Variants in ZNF83 observed in about 807,000 individuals in gnomAD.
ZNF83 encodes zinc finger protein 816B.
For missense variants in ZNF83, 552 were observed against 629.9 expected (o/e 0.88, Z 1.32); for synonymous variants, 209 against 213.0 (o/e 0.98, Z 0.17).
intron 3 of ZNF83, among the ~76,000 whole-genome samples, chr19:52,648,638 T>C (rs1213226491): frequency 6.6e-6 from 1 of 152,174 alleles, no homozygotes; most frequent in African/African-American, 2.4e-5. Context: ...AGCCCTATAC[T>C]GTAATCTTGT....
At chr19:52,678,416 C>G (rs1054486299) in intron 1 of ZNF83, among the ~76,000 whole-genome samples, 6 of 142,066 alleles carry the variant, frequency 4.2e-5, no homozygotes, top group Non-Finnish European at 9.0e-5. Flanking sequence ...CACCATTGCA[C>G]TCCAGCCTGG....
At chr19:52,631,357 C>T (rs945277652) in intron 2 of ZNF83, among the ~76,000 whole-genome samples, 2 of 152,170 alleles carry the variant, frequency 1.3e-5, no homozygotes, top group African/African-American at 4.8e-5. Flanking sequence ...GAACGGCACC[C>T]TGTAGCCTTT....
chr19:52,648,153 CTTTT>C (rs375992477), intron 3 of ZNF83, among the ~76,000 whole-genome samples: 1 of 143,672 alleles, frequency 7.0e-6, no homozygotes, highest in Non-Finnish European at 1.5e-5. Flanking sequence ...GCTTTCTTAT[CTTTT>C]TTTTTTTTCA....
intron 3 of ZNF83, among the ~76,000 whole-genome samples, chr19:52,646,493 T>G (rs2061374468): frequency 6.6e-6 from 1 of 152,102 alleles, no homozygotes; most frequent in African/African-American, 2.4e-5. Flanking sequence ...AGGCTACAGT[T>G]AGAGGAGATC....
chr19:52,690,457 C>T (rs1270750315), exon 1 of ZNF83: 2 of 187,940 alleles, frequency 1.1e-5, no homozygotes, highest in South Asian at 7.8e-5. Flanking sequence ...GCGGTGTGAC[C>T]GTCACTCCAC....
chr19:52,684,375 T>TAAAATA (rs1403376540), intron 1 of ZNF83, among the ~76,000 whole-genome samples: 1 of 150,806 alleles, frequency 6.6e-6, no homozygotes, highest in African/African-American at 2.4e-5. Context: ...TAAAATATAA[T>TAAAATA]AAAATAAAAA....
Position 52,644,276 on chromosome 19 carries a change from A to T in ZNF83, c.-73-9123T>A, listed in dbSNP as rs189112790. On this transcript the variant is annotated intron_variant, in intron 3 of 5. Coordinates refer to the ZNF83 transcript ENST00000594682. ...CACAGAAAAAAAGCCACATCCAGAC[A>T]CCCACTCTATTTTGCCAATCATTTC... 2.2e-3 allele frequency among the ~76,000 whole-genome samples: 333 copies of T among 151,460 alleles called. 2 individuals carry two copies. Among genetic ancestry groups the T allele is most frequent in the African/African-American group, 7.9e-3 (325 of 41,262 alleles).
chr19:52,675,152 G>C (rs1383783809), intron 1 of ZNF83, among the ~76,000 whole-genome samples: 1 of 152,150 alleles, frequency 6.6e-6, no homozygotes, highest in African/African-American at 2.4e-5. Context: ...TAAAGCTTGC[G>C]TTACTTGAAG....
chr19:52,668,975 TTATGTC>T (rs2061688922), intron 1 of ZNF83, among the ~76,000 whole-genome samples: 1 of 152,204 alleles, frequency 6.6e-6, no homozygotes, highest in South Asian at 2.1e-4. Context: ...TAAGTTCACT[TTATGTC>T]CCTCATGACA....
intron 2 of ZNF83, among the ~76,000 whole-genome samples, chr19:52,629,566 C>A (rs566954816): frequency 2.6e-5 from 4 of 152,086 alleles, no homozygotes; most frequent in Non-Finnish European, 1.5e-5. Context: ...AGTTTTGTTC[C>A]GTGACTAGCC....
chr19:52,664,482 T>A (rs756526445), intron 1 of ZNF83, among the ~76,000 whole-genome samples: 2 of 152,020 alleles, frequency 1.3e-5, no homozygotes, highest in Non-Finnish European at 2.9e-5. Context: ...GGTGTCAAAG[T>A]GAGACCCCAT....
intron 3 of ZNF83, among the ~76,000 whole-genome samples, chr19:52,647,052 C>T (rs1369972706): frequency 1.3e-5 from 2 of 152,122 alleles, no homozygotes; most frequent in African/African-American, 4.8e-5. Context: ...TAATAAAACT[C>T]CTATGTTTCA....
chr19:52,629,975 CA>C (rs2060891416), intron 2 of ZNF83, among the ~76,000 whole-genome samples: 1 of 151,934 alleles, frequency 6.6e-6, no homozygotes, highest in Non-Finnish European at 1.5e-5. Context: ...CTCCAGCACA[CA>C]AGAACTTCCA....
chr19:52,675,717 T>C (rs961365402), intron 1 of ZNF83, among the ~76,000 whole-genome samples: 2 of 151,880 alleles, frequency 1.3e-5, no homozygotes, highest in Admixed American at 1.3e-4. Context: ...AGGGCAAGGG[T>C]GGAGGGCAGA....
At chr19:52,678,181 G>A (rs114659422) in intron 1 of ZNF83, among the ~76,000 whole-genome samples, 19,593 of 151,948 alleles carry the variant, frequency 0.13, 1,385 homozygotes, top group Non-Finnish European at 0.14. Flanking sequence ...GGCCAGGCTC[G>A]GTGGCTCAAG....
At chr19:52,633,950 T>C (rs112046958) in intron 2 of ZNF83, among the ~76,000 whole-genome samples, 13 of 152,102 alleles carry the variant, frequency 8.5e-5, no homozygotes, top group African/African-American at 3.1e-4. Flanking sequence ...TCATGTGATG[T>C]TCAAATATAA....
intron 3 of ZNF83, chr19:52,653,161 G>T (rs910518805): frequency 6.1e-6 from 9 of 1,485,096 alleles, no homozygotes; most frequent in Middle Eastern, 1.8e-4. Context: ...TTTTTCTCCG[G>T]TATGAAGTCT....
chr19:52,671,940 G>A (rs1016490107), intron 1 of ZNF83, among the ~76,000 whole-genome samples: 1 of 152,094 alleles, frequency 6.6e-6, no homozygotes, highest in African/African-American at 2.4e-5. Context: ...ATATAACTAA[G>A]TTATAAAATT....
chr19:52,626,281 A>G (rs2060733933), intron 2 of ZNF83, among the ~76,000 whole-genome samples: 1 of 152,240 alleles, frequency 6.6e-6, no homozygotes, highest in Admixed American at 6.5e-5. Flanking sequence ...AAACTTTATC[A>G]GTCCTTCAGG....
Sources: allele counts gnomAD v4.1 joint callset (sites outside exome capture counted in the v4.1 genomes callset), GRCh38; gene constraint gnomAD v4.1.1; transcripts MANE v1.5; gene names NCBI Gene and HGNC (gene_info 2026-07-23, HGNC 2026-07-21).